Variants in ACSS2 observed in about 807,000 individuals in gnomAD.
The protein encoded by ACSS2 is acyl-CoA synthetase short chain family member 2.
Under a neutral mutation model 90.6 loss-of-function variants are expected in ACSS2, and 58 were observed. The ratio of observed to expected loss-of-function variants is 0.64; its 90% CI spans 0.52 to 0.80. The LOEUF is 0.80. Ranked by LOEUF, ACSS2 falls within the 30% of genes least tolerant of loss-of-function variation. ACSS2 has a pLI of 0.00. For synonymous variants in ACSS2, 300 were observed against 330.9 expected (o/e 0.91, Z 1.01); for missense variants, 759 against 912.0 (o/e 0.83, Z 2.16).
Position 34,923,316 on chromosome 20 carries a change from T to C in ACSS2, c.1549-7T>C, listed in dbSNP as rs2081242339. On this transcript the variant is annotated splice_polypyrimidine_tract_variant and splice_region_variant and intron_variant, in intron 13 of 17. Transcript: ENST00000360596. ...AATGTGATCACTGTCCCTTCCTCAC[T>C]CCCCAGGTGTTCAAGCAGCCCTGGC... The C allele has an allele frequency of 1.2e-6, 2 of 1,607,752 alleles. No individual in the cohort carries two copies. Among genetic ancestry groups the C allele is most frequent in the Non-Finnish European group, 1.7e-6 (2 of 1,174,464 alleles).
intron 2 of ACSS2, among the ~76,000 whole-genome samples, chr20:34,906,683 A>C (rs2080814211): frequency 6.6e-6 from 1 of 152,000 alleles, no homozygotes; most frequent in African/African-American, 2.4e-5. Flanking sequence ...GAAGAAAACA[A>C]ATAAGATCTC....
At chr20:34,876,610 C>T (rs1431220677), upstream of ACSS2, 6 of 1,298,558 alleles carry the variant, frequency 4.6e-6, no homozygotes, top group Non-Finnish European at 5.9e-6. Flanking sequence ...CCCGCCGCGA[C>T]CGCAAAGGCG....
chr20:34,922,243 C>T (rs1415719066), intron 13 of ACSS2: 1 of 177,830 alleles, frequency 5.6e-6, no homozygotes, highest in African/African-American at 2.4e-5. Flanking sequence ...TCTGCCTCTT[C>T]TGTGACCTCA....
chr20:34,891,773 T>C (rs1284257913), intron 2 of ACSS2, among the ~76,000 whole-genome samples: 1 of 152,240 alleles, frequency 6.6e-6, no homozygotes, highest in Admixed American at 6.5e-5. Context: ...CTGAGTTTTA[T>C]GACCCTTGAC....
chr20:34,909,606 G>A (rs2080898471), intron 2 of ACSS2, among the ~76,000 whole-genome samples: 1 of 152,014 alleles, frequency 6.6e-6, no homozygotes, highest in African/African-American at 2.4e-5. Context: ...TAGTATATAT[G>A]CTTGTCTGAC....
chr20:34,879,527 A>ACACACACC (rs1411624405), intron 1 of ACSS2, among the ~76,000 whole-genome samples: 7 of 70,688 alleles, frequency 9.9e-5, no homozygotes, highest in African/African-American at 7.5e-4. Flanking sequence ...ACACACACAC[A>ACACACACC]CCCCTACCCC....
At chr20:34,925,871 G>A in intron 15 of ACSS2, 105 bp downstream of exon 15, 1 of 1,318,666 alleles carries the variant, frequency 7.6e-7, no homozygotes, top group Non-Finnish European at 1.0e-6. Context: ...GCCAGACCAT[G>A]TACTAAGTGT....
chr20:34,882,291 C>A (rs2080084512), intron 1 of ACSS2, among the ~76,000 whole-genome samples: 1 of 152,086 alleles, frequency 6.6e-6, no homozygotes, highest in South Asian at 2.1e-4. Context: ...GAATTTGAGT[C>A]AAGATTCAGC....
At chr20:34,913,974 C>A in intron 5 of ACSS2, 122 bp from the exon 6 acceptor site, 1 of 1,370,928 alleles carries the variant, frequency 7.3e-7, no homozygotes, top group Non-Finnish European at 1.0e-6. Flanking sequence ...GACCCTCTGT[C>A]AGCTCGAATC....
intron 14 of ACSS2, among the ~76,000 whole-genome samples, chr20:34,923,750 A>G (rs1169930739): frequency 6.6e-6 from 1 of 152,002 alleles, no homozygotes; most frequent in Non-Finnish European, 1.5e-5. Context: ...ATCTTACATG[A>G]ACTCATAGAG....
chr20:34,926,401 G>A (rs533655050), intron 16 of ACSS2, 120 bp downstream of exon 16: 1 of 1,042,968 alleles, frequency 9.6e-7, no homozygotes, highest in Non-Finnish European at 1.4e-6. Context: ...ATTCCAGGGG[G>A]CCCCATGGGC....
chr20:34,910,941 A>G (rs577970710), intron 2 of ACSS2, among the ~76,000 whole-genome samples: 8 of 151,940 alleles, frequency 5.3e-5, no homozygotes, highest in Non-Finnish European at 8.8e-5. Flanking sequence ...TCCTGCCTCA[A>G]CCTCCTGAGT....
chr20:34,901,911 C>G (rs540131287), intron 2 of ACSS2, among the ~76,000 whole-genome samples: 46 of 152,268 alleles, frequency 3.0e-4, no homozygotes, highest in Admixed American at 2.5e-3. Context: ...GGTCCCCAGC[C>G]ATATTGTGGA....
At chr20:34,879,073 T>G (rs1485646096) in intron 1 of ACSS2, among the ~76,000 whole-genome samples, 2 of 151,394 alleles carry the variant, frequency 1.3e-5, no homozygotes, top group Non-Finnish European at 2.9e-5. Flanking sequence ...CCCGGCTAAT[T>G]TTTTGTATTT....
intron 2 of ACSS2, among the ~76,000 whole-genome samples, chr20:34,888,067 C>CAAAAAAA (rs34578238): frequency 3.2e-5 from 2 of 62,474 alleles, no homozygotes; most frequent in African/African-American, 6.5e-5. Context: ...AAGACTCCAT[C>CAAAAAAA]AAAAAAAAAA....
chr20:34,915,168 T>C lies in ACSS2; in HGVS notation c.834+731T>C, dbSNP rs913579762. On this transcript the variant is annotated intron_variant, in intron 7 of 17. Coordinates refer to ENST00000360596, the MANE Select transcript of ACSS2 (RefSeq NM_018677.4). Reference sequence around the variant, plus strand: ...ACACTGACCCTTTCCTCCCACTCCCTGTATACTTGGACCCTCCTCACTACC... The same window carrying C: ...ACACTGACCCTTTCCTCCCACTCCCCGTATACTTGGACCCTCCTCACTACC... 2.5e-6 allele frequency: 4 copies of C among 1,604,512 alleles called. No homozygotes were observed. In the African/African-American group the frequency reaches 5.4e-5, roughly 21 times the overall value.
At chr20:34,919,853 A>G (rs866160857) in intron 8 of ACSS2, among the ~76,000 whole-genome samples, 2 of 152,042 alleles carry the variant, frequency 1.3e-5, no homozygotes, top group South Asian at 2.1e-4. Context: ...AAGGAGAGCT[A>G]TTCTGTTAAC....
intron 1 of ACSS2, among the ~76,000 whole-genome samples, chr20:34,880,404 C>T (rs562151002): frequency 6.6e-6 from 1 of 150,446 alleles, no homozygotes; most frequent in Admixed American, 6.6e-5. Flanking sequence ...AAACAATGTG[C>T]GCCTGTAGTT....
intron 1 of ACSS2, among the ~76,000 whole-genome samples, chr20:34,878,730 C>T (rs1291901015): frequency 6.6e-6 from 1 of 152,152 alleles, no homozygotes; most frequent in Non-Finnish European, 1.5e-5. Context: ...GGGAAGCAGC[C>T]TCCTAATTTG....
Sources: allele counts gnomAD v4.1 joint callset (sites outside exome capture counted in the v4.1 genomes callset), GRCh38; gene constraint gnomAD v4.1.1; transcripts MANE v1.5; gene names NCBI Gene and HGNC (gene_info 2026-07-23, HGNC 2026-07-21).